NTM: variants seen among roughly 807,000 people sequenced by gnomAD.
The protein encoded by NTM is neurotrimin, also known as IgLON family member 2.
Under a neutral mutation model 42.1 loss-of-function variants are expected in NTM, and 13 were observed. That is an observed-to-expected ratio of 0.31 (90% CI 0.20 to 0.49). The LOEUF is 0.49. Among genes scored for constraint, NTM ranks in the 20% least tolerant of loss-of-function variants. NTM has a pLI of 0.99. For missense variants in NTM, 373 were observed against 452.8 expected (o/e 0.82, Z 1.60); for synonymous variants, 187 against 179.2 (o/e 1.04, Z -0.35).
intron 1 of NTM, among the ~76,000 whole-genome samples, chr11:131,884,827 C>G (rs572299): frequency 0.06 from 9,080 of 152,252 alleles, 319 homozygotes; most frequent in East Asian, 0.15. Flanking sequence ...GACAAAGGCT[C>G]TTTTGTAGAA....
intron 4 of NTM, among the ~76,000 whole-genome samples, chr11:132,278,136 A>G (rs1227012465): frequency 6.6e-6 from 1 of 152,156 alleles, no homozygotes; most frequent in Non-Finnish European, 1.5e-5. Context: ...TGCATCCTTT[A>G]CAGCCTACCC....
intron 1 of NTM, among the ~76,000 whole-genome samples, chr11:131,622,822 C>A (rs1051001137): frequency 2.6e-5 from 4 of 152,178 alleles, no homozygotes; most frequent in Admixed American, 1.3e-4. Flanking sequence ...GCTGAGCAAT[C>A]GCACCGACCC....
intron 1 of NTM, among the ~76,000 whole-genome samples, chr11:131,686,778 G>T (rs1303593741): frequency 6.6e-6 from 1 of 152,172 alleles, no homozygotes; most frequent in Non-Finnish European, 1.5e-5. Flanking sequence ...AGATCGGAAT[G>T]GGGTCATTTC....
intron 1 of NTM, among the ~76,000 whole-genome samples, chr11:131,560,467 G>A (rs1017486257): frequency 6.6e-5 from 10 of 152,160 alleles, no homozygotes; most frequent in Non-Finnish European, 1.3e-4. Context: ...GAGGTTGGCT[G>A]CAGTATAACA....
chr11:132,260,220 G>A (rs1443390781), intron 4 of NTM, among the ~76,000 whole-genome samples: 1 of 151,478 alleles, frequency 6.6e-6, no homozygotes, highest in East Asian at 1.9e-4. Context: ...GGAAGCCCAT[G>A]GATGAATCAA....
chr11:131,891,197 G>C (rs977797464), intron 1 of NTM, among the ~76,000 whole-genome samples: 2 of 152,170 alleles, frequency 1.3e-5, no homozygotes, highest in Non-Finnish European at 2.9e-5. Context: ...ATATCAGAAG[G>C]CAGTGTGTTC....
At chr11:132,040,012 C>T (rs916898793) in intron 2 of NTM, among the ~76,000 whole-genome samples, 3 of 152,020 alleles carry the variant, frequency 2.0e-5, no homozygotes, top group African/African-American at 4.8e-5. Flanking sequence ...GCAGCCTCTG[C>T]CTCCCAGGTT....
chr11:132,195,689 A>G (rs1592150721), intron 3 of NTM, among the ~76,000 whole-genome samples: 2 of 152,360 alleles, frequency 1.3e-5, no homozygotes, highest in East Asian at 3.9e-4. Flanking sequence ...TAAAGTTGAC[A>G]ATAACAAGCA....
At chr11:131,631,146 A>G (rs1327796966) in intron 1 of NTM, among the ~76,000 whole-genome samples, 1 of 152,136 alleles carries the variant, frequency 6.6e-6, no homozygotes, top group Non-Finnish European at 1.5e-5. Context: ...CCTACTAACA[A>G]TTTGGTTACT....
At chr11:131,765,386 C>G (rs111822666) in intron 1 of NTM, among the ~76,000 whole-genome samples, 1 of 152,290 alleles carries the variant, frequency 6.6e-6, no homozygotes, top group African/African-American at 2.4e-5. Context: ...TCTGAGGCTA[C>G]GCCAGGTTCA....
chr11:131,631,631 G>A (rs1185307849), intron 1 of NTM, among the ~76,000 whole-genome samples: 1 of 152,034 alleles, frequency 6.6e-6, no homozygotes, highest in Non-Finnish European at 1.5e-5. Flanking sequence ...TTTTCCATTG[G>A]CATTCACTTT....
intron 1 of NTM, among the ~76,000 whole-genome samples, chr11:131,748,817 C>T (rs1171685054): frequency 6.6e-6 from 1 of 152,204 alleles, no homozygotes; most frequent in Non-Finnish European, 1.5e-5. Context: ...ACCCTGGAGG[C>T]TTGGCCTCTG....
chr11:131,890,156 G>GTCTCTCTCTGTATC (rs1163179980), intron 1 of NTM, among the ~76,000 whole-genome samples: 66 of 54,996 alleles, frequency 1.2e-3, no homozygotes, highest in African/African-American at 4.2e-3. Context: ...CTCTCTCTCT[G>GTCTCTCTCTGTATC]TCTCTCTCTC....
intron 1 of NTM, among the ~76,000 whole-genome samples, chr11:131,633,740 T>C (rs1592299985): frequency 1.6e-5 from 1 of 63,870 alleles, no homozygotes; most frequent in East Asian, 5.3e-4. Context: ...TCTCTCTCCC[T>C]CCCTCTCTCT....
chr11:131,938,115 A>G (rs1404350757), intron 2 of NTM, among the ~76,000 whole-genome samples: 1 of 152,252 alleles, frequency 6.6e-6, no homozygotes, highest in Non-Finnish European at 1.5e-5. Context: ...CAGGTCACCC[A>G]GAAAAGGTCC....
chr11:132,317,986 G>GGGACCCATA lies in NTM; in HGVS notation c.934+3287_934+3295dup, dbSNP rs2095474847. Among the ~76,000 whole-genome samples the GGGACCCATA allele has an allele frequency of 7.2e-5, 11 of 152,306 alleles. No individual in the cohort carries two copies. In the South Asian group the frequency reaches 2.3e-3, roughly 32 times the overall value. The stretch of plus-strand genomic sequence containing the variant: ...AAGGCAAAGGGTAGAGAGTGAGTCT[G>GGGACCCATA]GGACCCATAGGAAGACTACTTCAAC... On this transcript the variant is annotated intron_variant, in intron 7 of 8. Coordinates refer to ENST00000683400, the MANE Select transcript of NTM (RefSeq NM_001352005.2).
At chr11:132,291,360 G>T (rs903151048) in intron 4 of NTM, among the ~76,000 whole-genome samples, 7 of 152,014 alleles carry the variant, frequency 4.6e-5, no homozygotes, top group Admixed American at 3.9e-4. Context: ...TTTGAGAAAT[G>T]TGACTGGTAA....
chr11:131,375,794 C>CATGT (rs57537421), intron 1 of NTM, among the ~76,000 whole-genome samples: 76,248 of 151,068 alleles, frequency 0.5, 19,668 homozygotes, highest in Non-Finnish European at 0.56. Context: ...TTTTTTCTTT[C>CATGT]ATGTATGTAT....
chr11:132,146,185 GA>G lies in NTM; in HGVS notation c.168-94del. The G allele has an allele frequency of 6.6e-7, 1 of 1,511,370 alleles. No individual in the cohort carries two copies. Among genetic ancestry groups the G allele is most frequent in the Non-Finnish European group, 8.9e-7 (1 of 1,124,412 alleles). 93.6% of individuals were successfully genotyped at this position (1,511,370 alleles called of 1,614,324 possible). A position where few individuals can be genotyped will look rare whatever the true frequency, so the allele number is the denominator to read the frequency against. ...GAAATGTATGTGTTGGGGGAAGGGAGAAAGACAAGATATTCTAGCCTTGCCA... is the reference window on the plus strand; with the variant it reads ...GAAATGTATGTGTTGGGGGAAGGGAGAAGACAAGATATTCTAGCCTTGCCA... On this transcript the variant is annotated intron_variant, in intron 2 of 8. Transcript: ENST00000683400. This position sits in a 1 kb window ranked among gnomAD's most constrained non-coding sequence, Gnocchi z 4.5.
Sources: gnomAD v4.1 joint callset for allele counts (sites outside exome capture counted in the v4.1 genomes callset) on GRCh38, gnomAD v4.1.1 for gene constraint, Gnocchi (gnomAD v3.1) non-coding constraint, MANE v1.5 for transcripts, NCBI Gene and HGNC (gene_info 2026-07-23, HGNC 2026-07-21) for gene names.